MSRA: variants seen among roughly 807,000 people sequenced by gnomAD.
MSRA encodes the protein mitochondrial peptide methionine sulfoxide reductase.
Under a neutral mutation model 31.3 loss-of-function variants are expected in MSRA, and 54 were observed. The observed-to-expected ratio is 1.73, with a 90% CI of 1.39 to 2.17. The LOEUF is 2.17. Ranked by LOEUF, MSRA falls within the 30% of genes most tolerant of loss-of-function variation. The probability of loss-of-function intolerance (pLI) is 0.00; values close to 1 mark genes in which losing one functional copy is unlikely to be tolerated. For missense variants in MSRA, 507 were observed against 300.9 expected, an observed-to-expected ratio of 1.69 and a Z score of -5.07; for synonymous variants, 169 against 116.5, an observed-to-expected ratio of 1.45 and a Z score of -2.90.
chr8:10,327,598 T>C (rs1389988601), intron 5 of MSRA, among the ~76,000 whole-genome samples: 1 of 152,120 alleles, frequency 6.6e-6, no homozygotes, highest in Non-Finnish European at 1.5e-5. Context: ...GTGTGTGTTT[T>C]GTTGCGGGGA....
chr8:10,319,022 T>C (rs1353950356), intron 4 of MSRA, among the ~76,000 whole-genome samples: 4 of 152,220 alleles, frequency 2.6e-5, no homozygotes, highest in South Asian at 2.1e-4. Flanking sequence ...CTTTGAGACA[T>C]AGGCCCCTTC....
intron 1 of MSRA, among the ~76,000 whole-genome samples, chr8:10,192,042 C>T (rs1306417286): frequency 6.6e-6 from 1 of 152,102 alleles, no homozygotes; most frequent in Non-Finnish European, 1.5e-5. Context: ...GTTGGCAAGC[C>T]TCCGTTTCCT....
rs751638371 is a variant in MSRA at position 10,208,164 on chromosome 8, G to T, written c.211+263G>T. ...TTGCTATTTCTTATGTCCACACTGT[G>T]AATTAACCTGCTAATTTAGGGTTTG... On this transcript the variant is annotated intron_variant, in intron 2 of 5. Coordinates refer to ENST00000317173, the MANE Select transcript of MSRA (RefSeq NM_012331.5). Among the ~76,000 whole-genome samples the T allele has an allele frequency of 2.1e-4, 32 of 151,382 alleles. 1 individual carries two copies. The highest frequency in any genetic ancestry group is 6.6e-4 in the Admixed American group (10 of 15,214).
chr8:10,166,404 GTGTA>G (rs536104705), intron 1 of MSRA, among the ~76,000 whole-genome samples: 36 of 152,294 alleles, frequency 2.4e-4, no homozygotes, highest in Admixed American at 5.9e-4. Context: ...GCTCATATGT[GTGTA>G]TGTGTTTGCA....
chr8:10,145,528 A>G (rs1328032560), intron 1 of MSRA, among the ~76,000 whole-genome samples: 1 of 152,202 alleles, frequency 6.6e-6, no homozygotes, highest in Non-Finnish European at 1.5e-5. Context: ...GCAAGCAGGC[A>G]TCCTCTGAAG....
chr8:10,175,565 A>G (rs1805978033), intron 1 of MSRA, among the ~76,000 whole-genome samples: 1 of 152,258 alleles, frequency 6.6e-6, no homozygotes, highest in South Asian at 2.1e-4. Context: ...GGGTATGGTT[A>G]AAATGACTAT....
chr8:10,227,959 C>T (rs774613177), intron 2 of MSRA, among the ~76,000 whole-genome samples: 29 of 152,252 alleles, frequency 1.9e-4, no homozygotes, highest in Non-Finnish European at 3.8e-4. Flanking sequence ...TTTTTTGCCA[C>T]GTATTCATCT....
rs115438089 is a variant in MSRA, at chr8:10,222,460, A to T, written c.211+14559A>T. 5.0e-3 allele frequency among the ~76,000 whole-genome samples: 760 copies of T among 152,272 alleles called. 6 individuals are homozygous for T. The highest frequency in any genetic ancestry group is 0.017 in the African/African-American group (726 of 41,554). On this transcript the variant is annotated intron_variant, in intron 2 of 5. Transcript: ENST00000317173. The stretch of plus-strand genomic sequence containing the variant: ...AAACAGTGTGGAGGTTTGTAAAAAA[A>T]TTTACAACAAGACTATTATATCATT...
chr8:10,415,908 C>G (rs953251280), intron 5 of MSRA, among the ~76,000 whole-genome samples: 1 of 152,042 alleles, frequency 6.6e-6, no homozygotes, highest in African/African-American at 2.4e-5. Flanking sequence ...CCTCCATGCC[C>G]TCAAAGGACT....
chr8:10,314,602 C>G (rs6601432), intron 4 of MSRA, among the ~76,000 whole-genome samples: 152,198 of 152,386 alleles, frequency 1, 76,006 homozygotes, highest in Middle Eastern at 1. Flanking sequence ...TCAGCATGTA[C>G]TTAAGTTGAA....
chr8:10,229,475 C>G (rs113738856), intron 2 of MSRA, among the ~76,000 whole-genome samples: 5 of 152,092 alleles, frequency 3.3e-5, no homozygotes, highest in African/African-American at 7.2e-5. Context: ...GAGGCTGTAC[C>G]ACAGCATGCT....
At chr8:10,252,490 C>G (rs574112686) in intron 3 of MSRA, among the ~76,000 whole-genome samples, 58 of 152,292 alleles carry the variant, frequency 3.8e-4, no homozygotes, top group African/African-American at 1.3e-3. Flanking sequence ...TAAGTCCTGT[C>G]TGCGATGGCC....
Position 10,275,398 on chromosome 8 carries a change from G to C in MSRA, c.332-26136G>C, listed in dbSNP as rs1337735616. 3.3e-5 allele frequency among the ~76,000 whole-genome samples: 5 copies of C among 152,352 alleles called. No homozygotes were observed. In the East Asian group the frequency reaches 9.6e-4, roughly 29 times the overall value. ...TCCAAGCCTTGTGTAAGGGTTCACA[G>C]TATGATTTTACTATTTTGTAGATGC... On this transcript the variant is annotated intron_variant, in intron 3 of 5. Transcript: ENST00000317173.
At chr8:10,079,593 A>G (rs79433923) in intron 1 of MSRA, among the ~76,000 whole-genome samples, 2 of 152,224 alleles carry the variant, frequency 1.3e-5, no homozygotes, top group South Asian at 2.1e-4. Flanking sequence ...TAAGTGTCAC[A>G]TCATGAAGCT....
At position 10,276,279 on chromosome 8, in the gene MSRA, G is replaced by A. The variant is rs147864229; in HGVS notation, c.332-25255G>A. 2.6e-4 allele frequency among the ~76,000 whole-genome samples: 40 copies of A among 152,294 alleles called. 1 individual carries two copies. Among genetic ancestry groups the A allele is most frequent in the African/African-American group, 8.9e-4 (37 of 41,546 alleles). On this transcript the variant is annotated intron_variant, in intron 3 of 5. Transcript: ENST00000317173. ...GAGCACATGGTCGCAGTAAGTGCAC[G>A]CCACCCAGCGAGAGTTGGTTAATCA...
intron 1 of MSRA, among the ~76,000 whole-genome samples, chr8:10,191,918 T>C (rs1192510478): frequency 6.6e-6 from 1 of 152,220 alleles, no homozygotes; most frequent in Non-Finnish European, 1.5e-5. Context: ...CATAGTTTTC[T>C]TAGGTCACGA....
intron 5 of MSRA, among the ~76,000 whole-genome samples, chr8:10,361,335 C>CT (rs1307808655): frequency 6.6e-6 from 1 of 152,180 alleles, no homozygotes; most frequent in Non-Finnish European, 1.5e-5. Flanking sequence ...GCTCTAGGGT[C>CT]TGTCTCCGAA....
chr8:10,367,171 G>A (rs540173049), intron 5 of MSRA, among the ~76,000 whole-genome samples: 1 of 152,098 alleles, frequency 6.6e-6, no homozygotes, highest in Non-Finnish European at 1.5e-5. Context: ...GATCCACGCT[G>A]TCTACACTGC....
Position 10,428,250 on chromosome 8 carries a change from C to G in MSRA, c.646C>G (p.Pro216Ala). 1 of 1,614,180 alleles carries G rather than the reference C, an allele frequency of 6.2e-7. No individual in the cohort carries two copies. The highest frequency in any genetic ancestry group is 8.5e-7 in the Non-Finnish European group (1 of 1,180,038). Residue 216 changes from proline (P) to alanine (A), a missense_variant, in exon 6 of 6, where the codon CCC (proline) becomes GCC (alanine). Pro to Ala is a conservative substitution (Grantham distance 27, BLOSUM62 -1). Transcript: ENST00000317173. ...DYHQQYLSKN[P>A]NGYCGLGGTG... Reference sequence around the variant, plus strand: ...CCACCAGCAGTACCTGAGCAAGAACCCCAATGGCTACTGCGGCCTTGGGGG... The same window carrying G: ...CCACCAGCAGTACCTGAGCAAGAACGCCAATGGCTACTGCGGCCTTGGGGG...
Sources: allele counts gnomAD v4.1 joint callset (sites outside exome capture counted in the v4.1 genomes callset), GRCh38; gene constraint gnomAD v4.1.1; transcripts MANE v1.5; gene names NCBI Gene and HGNC (gene_info 2026-07-23, HGNC 2026-07-21).